Variants in PRKN observed in about 807,000 individuals in gnomAD.
PRKN encodes the protein E3 ubiquitin-protein ligase parkin.
A neutral mutation model predicts 59.5 loss-of-function variants in PRKN; 56 were observed. That is an observed-to-expected ratio of 0.94 (90% confidence interval 0.76 to 1.18). The LOEUF is 1.18. Ranked by LOEUF, PRKN falls within the 50% of genes most tolerant of loss-of-function variation. PRKN has a pLI of 0.00. For synonymous variants in PRKN, 250 were observed against 222.1 expected (o/e 1.13, Z -1.12); for missense variants, 657 against 596.4 (o/e 1.10, Z -1.06).
intron 5 of PRKN, among the ~76,000 whole-genome samples, chr6:161,991,850 A>G (rs772115613): frequency 1.3e-5 from 2 of 152,106 alleles, no homozygotes; most frequent in African/African-American, 2.4e-5. Flanking sequence ...CTCAAAAAAC[A>G]AAACAAAACA....
At chr6:162,635,552 T>C (rs1265192927) in intron 1 of PRKN, among the ~76,000 whole-genome samples, 1 of 151,800 alleles carries the variant, frequency 6.6e-6, no homozygotes, top group East Asian at 1.9e-4. Context: ...GTCGTAGCTT[T>C]GTTAACATTA....
chr6:162,273,057 C>T (rs1780466257), intron 2 of PRKN, among the ~76,000 whole-genome samples: 1 of 146,856 alleles, frequency 6.8e-6, no homozygotes, highest in Non-Finnish European at 1.5e-5. Flanking sequence ...AATGCTTGAC[C>T]ATAGAAGACA....
chr6:162,724,118 A>G (rs769837275), intron 1 of PRKN, among the ~76,000 whole-genome samples: 1 of 152,226 alleles, frequency 6.6e-6, no homozygotes, highest in East Asian at 1.9e-4. Context: ...CCCCACTAAC[A>G]TTCCATTTTA....
At chr6:161,726,019 C>T (rs959402808) in intron 7 of PRKN, among the ~76,000 whole-genome samples, 21 of 152,152 alleles carry the variant, frequency 1.4e-4, no homozygotes, top group Admixed American at 1.3e-3. Flanking sequence ...AAGGCAGTGT[C>T]GTATGCAGCT....
intron 1 of PRKN, among the ~76,000 whole-genome samples, chr6:162,565,394 T>C (rs1562390593): frequency 6.6e-6 from 1 of 152,058 alleles, no homozygotes; most frequent in Non-Finnish European, 1.5e-5. Flanking sequence ...TTATAAATAA[T>C]AACATTGGCC....
chr6:162,254,702 G>C (rs1369964637), intron 3 of PRKN, among the ~76,000 whole-genome samples: 2 of 152,052 alleles, frequency 1.3e-5, no homozygotes, highest in Non-Finnish European at 2.9e-5. Context: ...AGCCAGCTTT[G>C]TTAAGCCCCC....
chr6:161,640,980 C>A (rs1158330678), intron 7 of PRKN, among the ~76,000 whole-genome samples: 1 of 152,218 alleles, frequency 6.6e-6, no homozygotes, highest in Non-Finnish European at 1.5e-5. Flanking sequence ...AATGAAGCCA[C>A]CTTTGCGAAA....
Position 162,520,937 on chromosome 6 carries a change from T to A in PRKN, c.8-77464A>T, listed in dbSNP as rs1778058601. Among the ~76,000 whole-genome samples, 3 of 152,216 alleles carry A rather than the reference T, an allele frequency of 2.0e-5. No individual in the cohort carries two copies. The South Asian group carries it at 6.2e-4, about 31-fold the overall frequency. ...ATCCTTAATCTAAATTGTTCTTAAC[T>A]TCTGAATACCTAGAAAACTACTATT... On this transcript the variant is annotated intron_variant, in intron 1 of 11. Coordinates refer to ENST00000366898, the MANE Select transcript of PRKN (RefSeq NM_004562.3).
In PRKN at chr6:162,373,151, A is replaced by G. The variant is rs574684237; in HGVS notation, c.171+70159T>C. Among the ~76,000 whole-genome samples, 6 of 151,586 alleles carry G rather than the reference A, an allele frequency of 4.0e-5. No individual in the cohort carries two copies. In the East Asian group the frequency reaches 1.2e-3, roughly 29 times the overall value. On this transcript the variant is annotated intron_variant, in intron 2 of 11. Coordinates refer to ENST00000366898, the MANE Select transcript of PRKN (RefSeq NM_004562.3). Reference sequence around the variant, plus strand: ...ACTGGAACAGAATATTTGGAAAAAAATAATGGTTTAAATGGTTAACGATGT... The same window carrying G: ...ACTGGAACAGAATATTTGGAAAAAAGTAATGGTTTAAATGGTTAACGATGT...
At chr6:162,071,849 G>A (rs188748688) in intron 4 of PRKN, among the ~76,000 whole-genome samples, 16 of 151,804 alleles carry the variant, frequency 1.1e-4, no homozygotes, top group African/African-American at 2.7e-4. Context: ...CACCTATGTC[G>A]GCCTCCCAAA....
At chr6:162,301,670 A>C (rs9458501) in intron 2 of PRKN, among the ~76,000 whole-genome samples, 27,122 of 151,354 alleles carry the variant, frequency 0.18, 2,651 homozygotes, top group Admixed American at 0.27. Flanking sequence ...GACCTATTAC[A>C]TTAGGGCCCA....
intron 7 of PRKN, among the ~76,000 whole-genome samples, chr6:161,655,637 G>A (rs1291718077): frequency 2.0e-5 from 3 of 152,116 alleles, no homozygotes; most frequent in Admixed American, 6.5e-5. Context: ...CCACAATAAC[G>A]ACAATACTGG....
intron 1 of PRKN, among the ~76,000 whole-genome samples, chr6:162,496,970 T>C (rs1793092605): frequency 6.6e-6 from 1 of 152,188 alleles, no homozygotes; most frequent in African/African-American, 2.4e-5. Context: ...CGAAACCTCC[T>C]TTAGGTGGAA....
At chr6:162,103,758 C>T (rs1780074865) in intron 4 of PRKN, among the ~76,000 whole-genome samples, 1 of 152,162 alleles carries the variant, frequency 6.6e-6, no homozygotes, top group Admixed American at 6.6e-5. Flanking sequence ...AATGAAGGGA[C>T]CTAGCCTCAG....
intron 4 of PRKN, among the ~76,000 whole-genome samples, chr6:162,190,132 C>T (rs1201730841): frequency 5.9e-5 from 9 of 152,210 alleles, no homozygotes; most frequent in Admixed American, 3.9e-4. Context: ...TCAAGTGGAC[C>T]ATGCCCAGTG....
At chr6:161,960,301 G>C (rs1780333677) in intron 6 of PRKN, among the ~76,000 whole-genome samples, 1 of 152,182 alleles carries the variant, frequency 6.6e-6, no homozygotes, top group Non-Finnish European at 1.5e-5. Context: ...TGGCTTCAAA[G>C]GCAGGGCTCT....
intron 7 of PRKN, among the ~76,000 whole-genome samples, chr6:161,650,008 C>A (rs1784093801): frequency 6.6e-6 from 1 of 152,152 alleles, no homozygotes; most frequent in African/African-American, 2.4e-5. Context: ...GTGTGCCAGC[C>A]CAGAGTCTCA....
At chr6:162,312,510 G>C (rs910142346) in intron 2 of PRKN, among the ~76,000 whole-genome samples, 1 of 152,076 alleles carries the variant, frequency 6.6e-6, no homozygotes, top group Non-Finnish European at 1.5e-5. Flanking sequence ...CTGGGCACAG[G>C]GCTGACCCAG....
intron 3 of PRKN, among the ~76,000 whole-genome samples, chr6:162,241,318 A>T (rs1158715562): frequency 6.6e-6 from 1 of 152,162 alleles, no homozygotes; most frequent in African/African-American, 2.4e-5. Flanking sequence ...ACAATATATA[A>T]CTGCTAACGC....
Sources: allele counts gnomAD v4.1 joint callset (sites outside exome capture counted in the v4.1 genomes callset), GRCh38; gene constraint gnomAD v4.1.1; transcripts MANE v1.5; gene names NCBI Gene and HGNC (gene_info 2026-07-23, HGNC 2026-07-21).